Variants in LOC400499 observed in about 807,000 individuals in gnomAD.
chr16:11,394,955 A>G, the LOC400499 span, among the ~76,000 whole-genome samples: 1 of 152,230 alleles, frequency 6.6e-6, no homozygotes, highest in East Asian at 1.9e-4. Context: ...CAGTAGTCCT[A>G]GGAATCGAAT....
chr16:11,479,335 T>C, the LOC400499 span, among the ~76,000 whole-genome samples: 1 of 152,066 alleles, frequency 6.6e-6, no homozygotes, highest in Admixed American at 6.6e-5. Flanking sequence ...GAAAACTGGC[T>C]TGGAAAGGTA....
chr16:11,379,345 C>T, the LOC400499 span, among the ~76,000 whole-genome samples: 1 of 152,196 alleles, frequency 6.6e-6, no homozygotes, highest in Non-Finnish European at 1.5e-5. Context: ...TATTTAGGAG[C>T]TCTGAGGTGT....
chr16:11,470,791 G>A, the LOC400499 span: 1 of 152,640 alleles, frequency 6.6e-6, no homozygotes, highest in Non-Finnish European at 1.5e-5. Context: ...CCGGGATGCT[G>A]GTCTAGACAG....
chr16:11,434,724 C>T, the LOC400499 span, among the ~76,000 whole-genome samples: 2 of 152,188 alleles, frequency 1.3e-5, no homozygotes, highest in Non-Finnish European at 2.9e-5. Context: ...AAATGCAGGG[C>T]TCAGTTCACC....
the LOC400499 span, among the ~76,000 whole-genome samples, chr16:11,509,180 C>A: frequency 6.8e-6 from 1 of 147,258 alleles, no homozygotes; most frequent in Non-Finnish European, 1.5e-5. Flanking sequence ...TGCAGTGGCG[C>A]GATCTCGGCT....
At chr16:11,491,565 CAG>C in the LOC400499 span, 70,478 of 389,154 alleles carry the variant, frequency 0.18, 6,738 homozygotes, top group Middle Eastern at 0.2. Flanking sequence ...GGTAGAGAAA[CAG>C]GGGAACAAGA....
At chr16:11,417,484 G>A in the LOC400499 span, 3 of 397,148 alleles carry the variant, frequency 7.6e-6, no homozygotes, top group South Asian at 1.4e-4. Context: ...GGTCATTGAC[G>A]GGCAAGGCTG....
chr16:11,456,859 C>CT, the LOC400499 span: 1 of 1,536,272 alleles, frequency 6.5e-7, no homozygotes, highest in Non-Finnish European at 8.7e-7. Flanking sequence ...CAACACTCAC[C>CT]TTCCCACTTC....
chr16:11,379,401 T>G, the LOC400499 span, among the ~76,000 whole-genome samples: 1 of 151,282 alleles, frequency 6.6e-6, no homozygotes, highest in African/African-American at 2.5e-5. Flanking sequence ...GTGAATTGAC[T>G]GTTATCATTA....
the LOC400499 span, among the ~76,000 whole-genome samples, chr16:11,474,831 T>C: frequency 2.0e-5 from 3 of 152,080 alleles, no homozygotes; most frequent in Admixed American, 1.3e-4. Flanking sequence ...GATTGCACCA[T>C]TGCACTCCGG....
the LOC400499 span, among the ~76,000 whole-genome samples, chr16:11,459,306 C>A: frequency 6.7e-6 from 1 of 149,408 alleles, no homozygotes; most frequent in Admixed American, 6.7e-5. Context: ...AAGCCATTCT[C>A]CTGCCTCAGC....
At chr16:11,440,571 T>TCA in the LOC400499 span, among the ~76,000 whole-genome samples, 1 of 152,174 alleles carries the variant, frequency 6.6e-6, no homozygotes, top group Non-Finnish European at 1.5e-5. Flanking sequence ...TCCTGACTAA[T>TCA]CACACACACA....
the LOC400499 span, among the ~76,000 whole-genome samples, chr16:11,519,855 A>T: frequency 6.6e-6 from 1 of 151,628 alleles, no homozygotes; most frequent in Non-Finnish European, 1.5e-5. Flanking sequence ...ACAGGCATGC[A>T]CCACCACGCC....
the LOC400499 span, among the ~76,000 whole-genome samples, chr16:11,500,239 G>A: frequency 6.6e-6 from 1 of 152,096 alleles, no homozygotes; most frequent in Non-Finnish European, 1.5e-5. Context: ...CGGGCGTGGT[G>A]GCTCACACCT....
At chr16:11,409,296 A>C in the LOC400499 span, among the ~76,000 whole-genome samples, 3 of 152,102 alleles carry the variant, frequency 2.0e-5, no homozygotes, top group African/African-American at 4.8e-5. Flanking sequence ...ATAAAAAAAT[A>C]AAACATTGGG....
chr16:11,517,697 C>A, the LOC400499 span, among the ~76,000 whole-genome samples: 9 of 152,156 alleles, frequency 5.9e-5, no homozygotes, highest in Non-Finnish European at 1.2e-4. Context: ...GGAGCTGGCA[C>A]CAGAATTCAG....
At chr16:11,400,995 G>T in the LOC400499 span, among the ~76,000 whole-genome samples, 98 of 152,316 alleles carry the variant, frequency 6.4e-4, no homozygotes, top group African/African-American at 2.1e-3. Flanking sequence ...ATCAATCAGA[G>T]ACGCCTGTAC....
chr16:11,474,669 G>A, the LOC400499 span, among the ~76,000 whole-genome samples: 6 of 151,128 alleles, frequency 4.0e-5, no homozygotes, highest in African/African-American at 1.5e-4. Flanking sequence ...AGACCAGCCT[G>A]GATAACATGG....
chr16:11,413,750 G>T, the LOC400499 span, among the ~76,000 whole-genome samples: 5 of 152,194 alleles, frequency 3.3e-5, no homozygotes, highest in Admixed American at 2.6e-4. Context: ...CTTCATCACA[G>T]CAGGTGCTTA....
Sources: allele counts gnomAD v4.1 joint callset (sites outside exome capture counted in the v4.1 genomes callset), GRCh38; gene constraint gnomAD v4.1.1; transcripts MANE v1.5.